Variants in PKD2 observed in about 807,000 individuals in gnomAD.
PKD2 encodes the protein polycystin-2.
In PKD2, 48 loss-of-function variants were observed where a neutral mutation model predicts 105.9. The observed-to-expected ratio is 0.45, with a 90% CI of 0.36 to 0.58. The LOEUF is 0.58. Among genes scored for constraint, PKD2 ranks in the 20% least tolerant of loss-of-function variants. PKD2 has a pLI of 0.00. For synonymous variants in PKD2, 464 were observed against 481.1 expected, an observed-to-expected ratio of 0.96 and a Z score of 0.46; for missense variants, 1,078 against 1,255.3, an observed-to-expected ratio of 0.86 and a Z score of 2.13.
chr4:88,046,869 T>C lies in PKD2; in HGVS notation c.1547T>C (p.Val516Ala). The C allele has an allele frequency of 6.3e-7, 1 of 1,581,984 alleles. No individual in the cohort carries two copies. Among genetic ancestry groups the C allele is most frequent in the Non-Finnish European group, 8.7e-7 (1 of 1,150,752 alleles). The change falls in exon 6 of 15, where the codon GTG becomes GCG. Residue 516 changes from valine to alanine, a missense_variant and splice_region_variant. Physicochemically the swap from Val to Ala is moderately conservative, Grantham distance 64. Transcript: ENST00000237596. ...FWNCLDVVIV[V>A]LSVVAIGINI... ...AATTGTCTGGATGTTGTGATCGTTG[T>C]GGTAGGTTTGAGAACAACACCAAAT...
chr4:88,069,704 A>G (rs1418227113), intron 13 of PKD2, among the ~76,000 whole-genome samples: 1 of 152,114 alleles, frequency 6.6e-6, no homozygotes, highest in East Asian at 1.9e-4. Flanking sequence ...TCTCTTAATG[A>G]AGCTGAGAGA....
At chr4:88,072,371 G>C (rs948052690) in intron 13 of PKD2, among the ~76,000 whole-genome samples, 3 of 152,114 alleles carry the variant, frequency 2.0e-5, no homozygotes, top group Admixed American at 2.0e-4. Flanking sequence ...ATCTCATAAG[G>C]CTACCAGATT....
At chr4:88,014,950 A>G (rs1726510136) in intron 1 of PKD2, among the ~76,000 whole-genome samples, 2 of 152,216 alleles carry the variant, frequency 1.3e-5, no homozygotes, top group Non-Finnish European at 2.9e-5. Flanking sequence ...GTGGAGGCTC[A>G]TGATGTCAGG....
intron 1 of PKD2, among the ~76,000 whole-genome samples, chr4:88,009,624 T>C (rs34908309): frequency 0.098 from 14,912 of 152,210 alleles, 1,077 homozygotes; most frequent in East Asian, 0.41. Context: ...AATGTAAACA[T>C]TTTGGTACTT....
Position 88,065,860 on chromosome 4 carries a change from A to T in PKD2, c.2339A>T (p.Asp780Val). ...GAACATGAACATCAGCAGATGAGAGACGACTTGGAGAAAGAGAGGGTGGGT... is the reference window on the plus strand; with the variant it reads ...GAACATGAACATCAGCAGATGAGAGTCGACTTGGAGAAAGAGAGGGTGGGT... ...LTEHEHQQMR[D>V]DLEKEREDLD... is the part of the protein sequence containing the mutation. Residue 780 changes from aspartate to valine, a missense_variant, in exon 12 of 15, where the codon GAC becomes GTC. Around this residue, in one of 2 missense-constraint regions of PKD2, gnomAD observed 868 missense variants for 1,067.3 expected, o/e 0.81. Coordinates refer to ENST00000237596, the MANE Select transcript of PKD2 (RefSeq NM_000297.4). The T allele has an allele frequency of 6.2e-7, 1 of 1,609,656 alleles. No homozygotes were observed. The highest frequency in any genetic ancestry group is 8.5e-7 in the Non-Finnish European group (1 of 1,175,960).
intron 1 of PKD2, among the ~76,000 whole-genome samples, chr4:88,010,494 T>G (rs1726348972): frequency 6.6e-6 from 1 of 152,168 alleles, no homozygotes; most frequent in Non-Finnish European, 1.5e-5. Flanking sequence ...GGGTTGAGAT[T>G]CCCCCTGCCC....
At chr4:88,041,362 AGC>A (rs1727558099) in intron 4 of PKD2, among the ~76,000 whole-genome samples, 1 of 152,094 alleles carries the variant, frequency 6.6e-6, no homozygotes, top group Non-Finnish European at 1.5e-5. Context: ...TTGCTAAGGG[AGC>A]TGTGTCAGGG....
Position 88,061,938 on chromosome 4 carries a change from C to A in PKD2, c.2052C>A (p.Tyr684Ter), listed in dbSNP as rs2110133998. Residue 684 changes from tyrosine to a stop codon, truncating the protein, a stop_gained, in exon 10 of 15, where the codon TAC (tyrosine) becomes TAA (stop). Coordinates refer to ENST00000237596, the MANE Select transcript of PKD2 (RefSeq NM_000297.4). LOFTEE classifies it high-confidence loss of function. The stretch of plus-strand genomic sequence containing the variant: ...TTTTGGCTATCATCAATGATACTTA[C>A]TCTGAAGTGAAATCTGACTTGGCAC... ...NMFLAIINDTYSEVKSDLAQQ... is the reference protein window; with the variant it reads ...NMFLAIINDT 1 of 1,577,828 alleles carries A rather than the reference C, an allele frequency of 6.3e-7. No individual in the cohort carries two copies. Among genetic ancestry groups the A allele is most frequent in the Non-Finnish European group, 8.7e-7 (1 of 1,147,250 alleles).
Position 88,008,247 on chromosome 4 carries a change from G to A in PKD2, c.514G>A (p.Asp172Asn), listed in dbSNP as rs886059698. The stretch of plus-strand genomic sequence containing the variant: ...GTGCCCCAGCCCAGTCGGCGGCGGG[G>A]ACCCGCTGCATCGCCACCTCCCCCT... ...PPCPSPVGGG[D>N]PLHRHLPLEG... Residue 172 changes from aspartate (D) to asparagine (N), a missense_variant, in exon 1 of 15, where the codon GAC becomes AAC. Physicochemically the swap from Asp to Asn is conservative, Grantham distance 23. Around this residue, in one of 2 missense-constraint regions of PKD2, gnomAD observed 868 missense variants for 1,067.3 expected, o/e 0.81. Transcript: ENST00000237596. 6.9e-7 allele frequency: 1 copy of A among 1,459,112 alleles called. No homozygotes were observed. Among genetic ancestry groups the A allele is most frequent in the South Asian group, 1.3e-5 (1 of 75,254 alleles). The allele number at this position is 1,459,112 out of a possible 1,614,324, so 90.4% of individuals were successfully genotyped here.
At chr4:88,060,862 G>A (rs1044636491) in intron 9 of PKD2, among the ~76,000 whole-genome samples, 3 of 152,102 alleles carry the variant, frequency 2.0e-5, no homozygotes, top group African/African-American at 7.2e-5. Flanking sequence ...TACATAGATT[G>A]TCTCACTAAC....
chr4:88,045,549 T>A (rs966432418), intron 5 of PKD2, among the ~76,000 whole-genome samples: 1 of 152,196 alleles, frequency 6.6e-6, no homozygotes, highest in Non-Finnish European at 1.5e-5. Flanking sequence ...TAAAGGGCTT[T>A]TAAATGTCTC....
rs1205169665 is a variant in PKD2 at position 88,077,193 on chromosome 4, A to G, written c.*1499A>G. On this transcript the variant is annotated 3_prime_UTR_variant, in exon 15 of 15. Transcript: ENST00000237596. ...TATATTTTAATTTCACAAGTTGTTC[A>G]TTTAACTGGTAGAATGTCAGTCCAA... 2 of 152,632 alleles carry G rather than the reference A, an allele frequency of 1.3e-5. No homozygotes were observed. Among genetic ancestry groups the G allele is most frequent in the South Asian group, 4.1e-4 (2 of 4,832 alleles). The allele number at this position is 152,632 out of a possible 1,614,324, so 9.5% of individuals were successfully genotyped here.
rs1726744621 is a variant in PKD2 at position 88,021,462 on chromosome 4, T to C, written c.709+1891T>C. Among the ~76,000 whole-genome samples the C allele has an allele frequency of 2.0e-5, 3 of 152,216 alleles. 1 individual carries two copies. In the South Asian group the frequency reaches 6.2e-4, roughly 32 times the overall value. Reference sequence around the variant, plus strand: ...TTGTTCTTTTTCATGCAAATCACATTTTATTTCTTATGTGAGTAGCTATAT... The same window carrying C: ...TTGTTCTTTTTCATGCAAATCACATCTTATTTCTTATGTGAGTAGCTATAT... On this transcript the variant is annotated intron_variant, in intron 2 of 14. Coordinates refer to ENST00000237596, the MANE Select transcript of PKD2 (RefSeq NM_000297.4).
At position 88,052,095 on chromosome 4, in the gene PKD2, G is replaced by A; in HGVS notation, c.1653G>A (p.Leu551=). The part of the protein sequence containing the change: ...DQNTFPNFEH[L]AYWQIQFNNI... ...ATACTTTCCCCAACTTTGAGCATCTGGCATATTGGCAGATACAGTTCAACA... is the reference window on the plus strand; with the variant it reads ...ATACTTTCCCCAACTTTGAGCATCTAGCATATTGGCAGATACAGTTCAACA... The change falls in exon 7 of 15, where the codon CTG becomes CTA. Residue 551 remains leucine (L), a synonymous_variant. Coordinates refer to ENST00000237596, the MANE Select transcript of PKD2 (RefSeq NM_000297.4). 6.2e-7 allele frequency: 1 copy of A among 1,607,586 alleles called. No homozygotes were observed. Among genetic ancestry groups the A allele is most frequent in the South Asian group, 1.1e-5 (1 of 90,842 alleles).
chr4:88,043,921 C>T (rs576081045), intron 5 of PKD2, among the ~76,000 whole-genome samples: 1 of 152,308 alleles, frequency 6.6e-6, no homozygotes, highest in African/African-American at 2.4e-5. Flanking sequence ...CCCAGGTTAC[C>T]TGCTCGTGCT....
chr4:88,067,366 TTTA>T (rs898316324), intron 12 of PKD2, among the ~76,000 whole-genome samples: 3 of 152,150 alleles, frequency 2.0e-5, no homozygotes, highest in Admixed American at 2.0e-4. Flanking sequence ...CTTTATTTAT[TTTA>T]TTATTATTTT....
chr4:88,014,996 G>C (rs1030553195), intron 1 of PKD2, among the ~76,000 whole-genome samples: 4 of 152,188 alleles, frequency 2.6e-5, no homozygotes, highest in Non-Finnish European at 4.4e-5. Context: ...TAAGCCCTCA[G>C]TTTAATGTCA....
At chr4:88,064,483 G>A (rs886091271) in intron 10 of PKD2, among the ~76,000 whole-genome samples, 7 of 152,260 alleles carry the variant, frequency 4.6e-5, no homozygotes, top group East Asian at 1.9e-4. Context: ...AAAGATCACA[G>A]AACAATTGTA....
Position 88,008,210 on chromosome 4 carries a change from C to T in PKD2, c.477C>T (p.Asp159=). ...HPSGRRRRRE[D]QGPPCPSPVG... ...GCGGGAGGCGGCGCCGGCGAGAGGA[C>T]CAGGGCCCGCCGTGCCCCAGCCCAG... Residue 159 remains aspartate, a synonymous_variant, in exon 1 of 15, where the codon GAC becomes GAT. Coordinates refer to ENST00000237596, the MANE Select transcript of PKD2 (RefSeq NM_000297.4). 7.2e-7 allele frequency: 1 copy of T among 1,392,680 alleles called. No homozygotes were observed. Among genetic ancestry groups the T allele is most frequent in the Non-Finnish European group, 9.3e-7 (1 of 1,079,482 alleles). 86.3% of individuals were successfully genotyped at this position (1,392,680 alleles called of 1,614,324 possible). A position where few individuals can be genotyped will look rare whatever the true frequency, so the allele number is the denominator to read the frequency against.
Sources: allele counts gnomAD v4.1 joint callset (sites outside exome capture counted in the v4.1 genomes callset), GRCh38; gene constraint gnomAD v4.1.1; regional missense constraint gnomAD v4.1.1; transcripts MANE v1.5; gene names NCBI Gene and HGNC (gene_info 2026-07-23, HGNC 2026-07-21).